Variants in CEP112 observed in about 807,000 individuals in gnomAD.
CEP112 encodes centrosomal protein 112.
In CEP112, 127 loss-of-function variants were observed where a neutral mutation model predicts 153.0. The observed-to-expected ratio is 0.83, with a 90% confidence interval of 0.72 to 0.96. CEP112 has a LOEUF of 0.96. CEP112 is among the 40% of genes least tolerant of loss of function. The probability of loss-of-function intolerance (pLI) is 0.00; values close to 1 mark genes in which losing one functional copy is unlikely to be tolerated. For missense variants in CEP112, 1,089 were observed against 1,101.2 expected (o/e 0.99, Z 0.16); for synonymous variants, 358 against 374.4 (o/e 0.96, Z 0.51).
At chr17:65,818,441 G>GC (rs1277830072) in intron 21 of CEP112, among the ~76,000 whole-genome samples, 2 of 151,746 alleles carry the variant, frequency 1.3e-5, no homozygotes, top group Non-Finnish European at 3.0e-5. Context: ...TAATATCTCA[G>GC]CCCCTTCCTT....
At chr17:66,076,409 C>A (rs2067500153) in intron 8 of CEP112, among the ~76,000 whole-genome samples, 1 of 152,088 alleles carries the variant, frequency 6.6e-6, no homozygotes, top group African/African-American at 2.4e-5. Flanking sequence ...TGTGTGGGAG[C>A]TGGGTGAGAG....
At chr17:65,725,422 A>G (rs2050121177) in intron 23 of CEP112, among the ~76,000 whole-genome samples, 1 of 152,086 alleles carries the variant, frequency 6.6e-6, no homozygotes, top group South Asian at 2.1e-4. Context: ...GGTTCAAGTG[A>G]TTCTCCTATC....
intron 4 of CEP112, among the ~76,000 whole-genome samples, chr17:66,170,135 T>C (rs1200485470): frequency 6.6e-6 from 1 of 152,184 alleles, no homozygotes; most frequent in Non-Finnish European, 1.5e-5. Flanking sequence ...ATCCTGGGAA[T>C]AATATCCCAT....
chr17:66,146,500 T>C (rs1290599695), intron 4 of CEP112, among the ~76,000 whole-genome samples: 1 of 152,134 alleles, frequency 6.6e-6, no homozygotes, highest in African/African-American at 2.4e-5. Flanking sequence ...TGTTTTATTA[T>C]CAATTGTGGT....
rs568080271 is a variant in CEP112 at position 65,875,306 on chromosome 17, T to C, written c.2164-23272A>G. Among the ~76,000 whole-genome samples, 12 of 152,218 alleles carry C rather than the reference T, an allele frequency of 7.9e-5. No individual in the cohort carries two copies. In the South Asian group the frequency reaches 2.5e-3, roughly 32 times the overall value. On this transcript the variant is annotated intron_variant, in intron 20 of 26. Transcript: ENST00000535342. ...CCAAAAGTTTTCTTTACAAACTTTT[T>C]CCACTGAATGTTTGTTTTAATTTAA...
At chr17:65,900,029 T>G (rs1276344531) in intron 20 of CEP112, among the ~76,000 whole-genome samples, 1 of 152,162 alleles carries the variant, frequency 6.6e-6, no homozygotes, top group African/African-American at 2.4e-5. Context: ...CATGAAGAGA[T>G]AGATTTTGAA....
chr17:65,644,487 G>A, intron 24 of CEP112: 2 of 354,716 alleles, frequency 5.6e-6, no homozygotes, highest in Non-Finnish European at 1.1e-5. Context: ...CTGGATGGCA[G>A]CCAGCTCATA....
intron 4 of CEP112, among the ~76,000 whole-genome samples, chr17:66,136,616 C>A (rs1324725013): frequency 6.6e-6 from 1 of 152,140 alleles, no homozygotes; most frequent in African/African-American, 2.4e-5. Flanking sequence ...TGTCTTGAAG[C>A]ACTGGTGGGA....
At position 66,053,756 on chromosome 17, in the gene CEP112, T is replaced by C. The variant is rs200001769; in HGVS notation, c.1198A>G (p.Met400Val). ...CTCACTGTGGACTGTGTTTGCGCCA[T>C]GTATTCACTCTCCATTTTATTCAGA... ...VRLNKMESEY[M>V]AQTQSTNHMI... Residue 400 changes from methionine to valine, a missense_variant, in exon 12 of 27, where the codon ATG becomes GTG. By Grantham distance (21) the Met-to-Val change is conservative (BLOSUM62 1). Transcript: ENST00000535342. 11 of 1,613,098 alleles carry C rather than the reference T, an allele frequency of 6.8e-6. No homozygotes were observed. The East Asian group carries it at 8.9e-5, about 13-fold the overall frequency.
chr17:65,649,801 G>C (rs1487430885), intron 24 of CEP112, among the ~76,000 whole-genome samples: 1 of 151,586 alleles, frequency 6.6e-6, no homozygotes, highest in Non-Finnish European at 1.5e-5. Context: ...AGAGAAAAAG[G>C]GGAACTAAGT....
intron 4 of CEP112, among the ~76,000 whole-genome samples, chr17:66,137,469 A>C (rs1443462812): frequency 6.6e-6 from 1 of 151,366 alleles, no homozygotes; most frequent in African/African-American, 2.4e-5. Flanking sequence ...TATGAAGCTC[A>C]AAGAATCCCA....
intron 4 of CEP112, among the ~76,000 whole-genome samples, chr17:66,161,855 G>A (rs1384341066): frequency 1.3e-5 from 2 of 150,602 alleles, no homozygotes; most frequent in Non-Finnish European, 3.0e-5. Flanking sequence ...AAAAAACTCT[G>A]CACGAATTTA....
intron 6 of CEP112, among the ~76,000 whole-genome samples, chr17:66,098,724 C>G (rs879740710): frequency 1.3e-5 from 2 of 152,162 alleles, no homozygotes; most frequent in African/African-American, 2.4e-5. Flanking sequence ...AAATGTCTCT[C>G]CCCATCCTCC....
Position 66,069,925 on chromosome 17 carries a change from T to C in CEP112, c.845A>G (p.Asp282Gly). Reference protein sequence around the residue: ...KLKLQQKHDADVQKILERKNN... With the variant: ...KLKLQQKHDAGVQKILERKNN... ...AGATATATATCCTACCTTCTGAACA[T>C]CAGCATCATGTTTCTGTTGCAGTTT... is the stretch of plus-strand genomic sequence containing the variant. The change falls in exon 9 of 27, where the codon GAT becomes GGT. Residue 282 changes from aspartate to glycine, a missense_variant. Transcript: ENST00000535342. The C allele has an allele frequency of 1.9e-6, 3 of 1,591,182 alleles. No homozygotes were observed. Among genetic ancestry groups the C allele is most frequent in the Non-Finnish European group, 2.6e-6 (3 of 1,161,688 alleles).
chr17:66,069,292 G>T (rs1414103186), intron 9 of CEP112, among the ~76,000 whole-genome samples: 1 of 151,756 alleles, frequency 6.6e-6, no homozygotes. Context: ...ATCACTAAAT[G>T]TTTTAATCAT....
rs1245378138 is a variant in CEP112 at position 65,836,949 on chromosome 17, C to T, written c.2394+14855G>A. 2.0e-5 allele frequency among the ~76,000 whole-genome samples: 3 copies of T among 152,118 alleles called. No individual in the cohort carries two copies. In the East Asian group the frequency reaches 5.8e-4, roughly 29 times the overall value. The stretch of plus-strand genomic sequence containing the variant: ...TGCCCAGTGCCTGGGATTGCAGGTG[C>T]GCGCCGCCACGCCTGACTGGTTTTC... On this transcript the variant is annotated intron_variant, in intron 21 of 26. Transcript: ENST00000535342.
At chr17:66,106,138 A>G (rs1175719176) in intron 6 of CEP112, among the ~76,000 whole-genome samples, 1 of 152,110 alleles carries the variant, frequency 6.6e-6, no homozygotes, top group Non-Finnish European at 1.5e-5. Flanking sequence ...ACCAAAATCT[A>G]TGGGATACAG....
At chr17:65,656,594 G>C (rs2046074730) in intron 24 of CEP112, among the ~76,000 whole-genome samples, 1 of 152,172 alleles carries the variant, frequency 6.6e-6, no homozygotes, top group South Asian at 2.1e-4. Flanking sequence ...CTTATTGTCT[G>C]TGATTGCTTT....
chr17:65,734,789 CTG>C (rs2050705095), intron 23 of CEP112, among the ~76,000 whole-genome samples: 1 of 152,160 alleles, frequency 6.6e-6, no homozygotes, highest in South Asian at 2.1e-4. Context: ...TTTTAGATGA[CTG>C]TGGATATTTT....
Sources: allele counts gnomAD v4.1 joint callset (sites outside exome capture counted in the v4.1 genomes callset), GRCh38; gene constraint gnomAD v4.1.1; transcripts MANE v1.5; gene names NCBI Gene and HGNC (gene_info 2026-07-23, HGNC 2026-07-21).